Variants in COTL1 observed in about 807,000 individuals in gnomAD.
COTL1 encodes the protein coactosin-like protein.
Under a neutral mutation model 16.5 loss-of-function variants are expected in COTL1, and 15 were observed. That is an observed-to-expected ratio of 0.91 (90% CI 0.61 to 1.40). COTL1 has a LOEUF of 1.40. COTL1 is among the 40% of genes most tolerant of loss of function. COTL1 has a pLI of 0.00. For missense variants in COTL1, 220 were observed against 201.5 expected, an observed-to-expected ratio of 1.09 and a Z score of -0.56; for synonymous variants, 112 against 85.3, an observed-to-expected ratio of 1.31 and a Z score of -1.73.
rs763039628 is a variant in COTL1 at position 84,590,069 on chromosome 16, G to A, written c.318+36C>T. 6.3e-6 allele frequency: 10 copies of A among 1,581,962 alleles called. No individual in the cohort carries two copies. Among genetic ancestry groups the A allele is most frequent in the East Asian group, 2.3e-5 (1 of 44,108 alleles). ...TCCTTGCAGGATGGTGACCCTTGGCGAGCTTTGACCTCCAGACTCTGGAGG... is the reference window on the plus strand; with the variant it reads ...TCCTTGCAGGATGGTGACCCTTGGCAAGCTTTGACCTCCAGACTCTGGAGG... On this transcript the variant is annotated intron_variant, in intron 3 of 3. Transcript: ENST00000262428. This position sits in a 1 kb window ranked among gnomAD's most constrained non-coding sequence, Gnocchi z 5.5.
chr16:84,615,134 A>G (rs1194661297), intron 2 of COTL1, among the ~76,000 whole-genome samples: 1 of 152,224 alleles, frequency 6.6e-6, no homozygotes, highest in African/African-American at 2.4e-5. Context: ...ACAGGAAGGA[A>G]CAAGCGTTTC....
At chr16:84,589,891 G>A (rs1904819723) in intron 3 of COTL1, among the ~76,000 whole-genome samples, 1 of 152,180 alleles carries the variant, frequency 6.6e-6, no homozygotes, top group Admixed American at 6.5e-5. Flanking sequence ...TGGGATAGGT[G>A]GGATCGTAAA....
chr16:84,615,315 T>C (rs1189759822), intron 2 of COTL1, among the ~76,000 whole-genome samples: 1 of 152,152 alleles, frequency 6.6e-6, no homozygotes, highest in Non-Finnish European at 1.5e-5. Flanking sequence ...CACTCCCCAC[T>C]CCCATCCCTG....
intron 2 of COTL1, among the ~76,000 whole-genome samples, chr16:84,599,183 C>A (rs935154519): frequency 6.6e-6 from 1 of 151,792 alleles, no homozygotes; most frequent in South Asian, 2.1e-4. Flanking sequence ...GGGCGGCCCC[C>A]ACCCAGGATC....
At position 84,617,927 on chromosome 16, in the gene COTL1, G is replaced by T. The variant is rs1440548899; in HGVS notation, c.-13C>A. On this transcript the variant is annotated 5_prime_UTR_variant, in exon 1 of 4. Transcript: ENST00000262428. Reference sequence around the variant, plus strand: ...TCTTGGTGGCCATCGCCGCGGAGCCGCAGCGGGACACTGTCCGGGGCGGCC... The same window carrying T: ...TCTTGGTGGCCATCGCCGCGGAGCCTCAGCGGGACACTGTCCGGGGCGGCC... 4.5e-6 allele frequency: 7 copies of T among 1,548,122 alleles called. No individual in the cohort carries two copies. The highest frequency in any genetic ancestry group is 2.2e-4 in the Middle Eastern group (1 of 4,452).
intron 3 of COTL1, among the ~76,000 whole-genome samples, chr16:84,573,232 T>C (rs1904370961): frequency 6.6e-6 from 1 of 152,244 alleles, no homozygotes; most frequent in African/African-American, 2.4e-5. Context: ...AACCCAGCCT[T>C]AGAAACGCTG....
chr16:84,579,666 G>A (rs982512751), intron 3 of COTL1, among the ~76,000 whole-genome samples: 5 of 152,160 alleles, frequency 3.3e-5, no homozygotes, highest in Non-Finnish European at 7.3e-5. Flanking sequence ...GAACCCTTTC[G>A]GCAAACCACA....
intron 3 of COTL1, among the ~76,000 whole-genome samples, chr16:84,584,086 A>G (rs1218153475): frequency 6.6e-6 from 1 of 152,162 alleles, no homozygotes; most frequent in Non-Finnish European, 1.5e-5. Flanking sequence ...TTGTCCCCAC[A>G]ATCCTGCAGA....
chr16:84,588,620 C>T (rs1478849900), intron 3 of COTL1, among the ~76,000 whole-genome samples: 1 of 152,178 alleles, frequency 6.6e-6, no homozygotes, highest in Admixed American at 6.5e-5. Flanking sequence ...AAGCCATCCT[C>T]CCACCTCAGC....
rs112335989 is a variant in COTL1, at chr16:84,615,853, T to TTGTGTGTGTGTGTGTGTGTG, written c.160+1628_160+1647dup. Among the ~76,000 whole-genome samples the TTGTGTGTGTGTGTGTGTGTG allele has an allele frequency of 2.7e-3, 407 of 149,796 alleles. 1 individual carries two copies. Among genetic ancestry groups the TTGTGTGTGTGTGTGTGTGTG allele is most frequent in the African/African-American group, 9.4e-3 (383 of 40,560 alleles). On this transcript the variant is annotated intron_variant, in intron 2 of 3. Coordinates refer to ENST00000262428, the MANE Select transcript of COTL1 (RefSeq NM_021149.5). ...CAGCGCTCAAGGAGTAATTTTAGTTTTGTGTGTGTGTGTGTGTGTGTGTGC... is the reference window on the plus strand; with the variant it reads ...CAGCGCTCAAGGAGTAATTTTAGTTTTGTGTGTGTGTGTGTGTGTGTGTGTGTGTGTGTGTGTGTGTGTGC...
chr16:84,608,138 G>T (rs898154249), intron 2 of COTL1, among the ~76,000 whole-genome samples: 2 of 152,112 alleles, frequency 1.3e-5, no homozygotes, highest in East Asian at 1.9e-4. Context: ...CCTAGACATA[G>T]AGCTCCATGC....
intron 3 of COTL1, among the ~76,000 whole-genome samples, chr16:84,588,799 G>C (rs537294273): frequency 6.6e-6 from 1 of 151,708 alleles, no homozygotes; most frequent in South Asian, 2.1e-4. Flanking sequence ...TGACAGGTGT[G>C]AGTCACTGTG....
chr16:84,617,755 G>C (rs966753155), intron 1 of COTL1, 83 bp downstream of exon 1: 23 of 1,439,208 alleles, frequency 1.6e-5, no homozygotes, highest in Admixed American at 4.0e-5. Flanking sequence ...GCCCGAATCC[G>C]TCCCGCCTGG....
intron 1 of COTL1, 113 bp downstream of exon 1, chr16:84,617,723 GGC>G: frequency 1.4e-6 from 2 of 1,382,914 alleles, no homozygotes; most frequent in Non-Finnish European, 2.0e-6. Context: ...CCCGGAATAA[GGC>G]GAGGAAGACA....
chr16:84,609,730 G>T (rs1223613769), intron 2 of COTL1, among the ~76,000 whole-genome samples: 2 of 152,154 alleles, frequency 1.3e-5, no homozygotes, highest in Non-Finnish European at 2.9e-5. Flanking sequence ...TACTGTTTTG[G>T]TGATAGTTCT....
intron 3 of COTL1, among the ~76,000 whole-genome samples, chr16:84,571,581 C>T (rs996690405): frequency 2.0e-5 from 3 of 152,326 alleles, no homozygotes; most frequent in East Asian, 3.9e-4. Context: ...GTCTTGTCCA[C>T]CCCTTCCCCG....
chr16:84,567,738 C>G (rs186812026), intron 3 of COTL1: 1 of 152,158 alleles, frequency 6.6e-6, no homozygotes, highest in East Asian at 1.9e-4. Context: ...CCATAGAACC[C>G]GCAGGCACCC....
In COTL1 at chr16:84,591,239, A is replaced by G. The variant is rs533708453; in HGVS notation, c.161-977T>C. Among the ~76,000 whole-genome samples, 199 of 148,424 alleles carry G rather than the reference A, an allele frequency of 1.3e-3. 1 individual carries two copies. Among genetic ancestry groups the G allele is most frequent in the Non-Finnish European group, 2.3e-3 (153 of 67,576 alleles). Reference sequence around the variant, plus strand: ...CGCTCTGTCGCCCAGGCTGAAGTGCAGTGGCGCGATCTCGACTCACTGCAA... The same window carrying G: ...CGCTCTGTCGCCCAGGCTGAAGTGCGGTGGCGCGATCTCGACTCACTGCAA... On this transcript the variant is annotated intron_variant, in intron 2 of 3. Transcript: ENST00000262428.
intron 3 of COTL1, among the ~76,000 whole-genome samples, chr16:84,579,907 A>G (rs1183613911): frequency 6.6e-6 from 1 of 152,238 alleles, no homozygotes; most frequent in South Asian, 2.1e-4. Context: ...GGAAACATGC[A>G]CTTCACACAC....
Sources: allele counts gnomAD v4.1 joint callset (sites outside exome capture counted in the v4.1 genomes callset), GRCh38; gene constraint gnomAD v4.1.1; non-coding constraint Gnocchi (gnomAD v3.1); transcripts MANE v1.5; gene names NCBI Gene and HGNC (gene_info 2026-07-23, HGNC 2026-07-21).